The following ADAMTS18 variants were observed in gnomAD, a reference collection of about 807,000 sequenced individuals.
ADAMTS18 encodes the protein A disintegrin and metalloproteinase with thrombospondin motifs 18.
ADAMTS18 carries 157 observed loss-of-function variants against 165.9 expected under a neutral mutation model. That is an observed-to-expected ratio of 0.95 (90% CI 0.83 to 1.08). The LOEUF (loss-of-function observed/expected upper bound fraction) is 1.08, where lower values mean the gene tolerates loss of function less well. Ranked by LOEUF, ADAMTS18 falls within the 50% of genes least tolerant of loss-of-function variation. ADAMTS18 has a pLI of 0.00. For synonymous variants in ADAMTS18, 782 were observed against 578.2 expected, an observed-to-expected ratio of 1.35 and a Z score of -5.06; for missense variants, 2,040 against 1,534.0, an observed-to-expected ratio of 1.33 and a Z score of -5.51.
At chr16:77,312,749 A>G (rs933616145) in intron 16 of ADAMTS18, among the ~76,000 whole-genome samples, 1 of 152,210 alleles carries the variant, frequency 6.6e-6, no homozygotes, top group African/African-American at 2.4e-5. Flanking sequence ...ATAAGATACC[A>G]TCTCATACCA....
chr16:77,328,816 G>A (rs748285454), intron 12 of ADAMTS18, among the ~76,000 whole-genome samples: 11 of 152,198 alleles, frequency 7.2e-5, no homozygotes, highest in Non-Finnish European at 1.0e-4. Context: ...AACTTGTAAC[G>A]TGGAAAAGAC....
Position 77,434,736 on chromosome 16 carries a change from G to C in ADAMTS18, c.-41C>G. On this transcript the variant is annotated 5_prime_UTR_variant, in exon 1 of 23. Coordinates refer to ENST00000282849, the MANE Select transcript of ADAMTS18 (RefSeq NM_199355.4). ...CGGCGGCTGCGGGTGGCCAGACGCG[G>C]CAGGCGGAGCGCACGGGCGGCGCGC... 2.2e-6 allele frequency: 3 copies of C among 1,389,590 alleles called. No individual in the cohort carries two copies. Among genetic ancestry groups the C allele is most frequent in the Non-Finnish European group, 2.8e-6 (3 of 1,069,810 alleles). The allele number at this position is 1,389,590 out of a possible 1,614,324, so 86.1% of individuals were successfully genotyped here. A position where few individuals can be genotyped will look rare whatever the true frequency, so the allele number is the denominator to read the frequency against.
At chr16:77,352,930 A>G (rs2056576515) in intron 10 of ADAMTS18, among the ~76,000 whole-genome samples, 1 of 151,992 alleles carries the variant, frequency 6.6e-6, no homozygotes, top group Admixed American at 6.6e-5. Flanking sequence ...TCCCTTCTCT[A>G]CTGAAAAAAA....
intron 3 of ADAMTS18, among the ~76,000 whole-genome samples, chr16:77,384,917 T>C (rs963631192): frequency 1.3e-5 from 2 of 152,136 alleles, no homozygotes; most frequent in African/African-American, 4.8e-5. Flanking sequence ...AAGGTTTTTT[T>C]TTTTTTTTCT....
intron 3 of ADAMTS18, among the ~76,000 whole-genome samples, chr16:77,401,174 G>C (rs989491870): frequency 6.6e-6 from 1 of 152,044 alleles, no homozygotes; most frequent in Non-Finnish European, 1.5e-5. Context: ...AGAATTGCTT[G>C]AACCCAGGGA....
At chr16:77,315,590 A>G (rs941908282) in intron 16 of ADAMTS18, among the ~76,000 whole-genome samples, 1 of 152,106 alleles carries the variant, frequency 6.6e-6, no homozygotes, top group African/African-American at 2.4e-5. Context: ...ATCTGTGAAG[A>G]TCCTGTTTCC....
At chr16:77,316,531 T>C (rs1291561922) in intron 16 of ADAMTS18, among the ~76,000 whole-genome samples, 1 of 152,218 alleles carries the variant, frequency 6.6e-6, no homozygotes, top group Non-Finnish European at 1.5e-5. Flanking sequence ...TCCAAACTCC[T>C]TACCATGGTT....
At chr16:77,334,717 G>GTATATAGTATA (rs1484012953) in intron 12 of ADAMTS18, among the ~76,000 whole-genome samples, 13 of 91,362 alleles carry the variant, frequency 1.4e-4, no homozygotes, top group East Asian at 7.3e-4. Flanking sequence ...GTATACTATA[G>GTATATAGTATA]TATACTACTA....
At chr16:77,422,535 A>G (rs1210814259) in intron 3 of ADAMTS18, among the ~76,000 whole-genome samples, 1 of 133,750 alleles carries the variant, frequency 7.5e-6, no homozygotes, top group Non-Finnish European at 1.7e-5. Flanking sequence ...GGAAGAGAGG[A>G]GAGTGAAAAA....
chr16:77,345,750 A>G (rs1483576715), intron 10 of ADAMTS18, among the ~76,000 whole-genome samples: 2 of 152,214 alleles, frequency 1.3e-5, no homozygotes, highest in African/African-American at 4.8e-5. Flanking sequence ...ACCATATTGG[A>G]TAACAGAGAA....
chr16:77,400,504 C>A (rs1314049726), intron 3 of ADAMTS18, among the ~76,000 whole-genome samples: 1 of 134,158 alleles, frequency 7.5e-6, no homozygotes, highest in Non-Finnish European at 1.6e-5. Context: ...TTTTTTGAGA[C>A]GGAGTCTCGC....
chr16:77,285,860 G>C (rs565312259), intron 22 of ADAMTS18, among the ~76,000 whole-genome samples: 1 of 152,262 alleles, frequency 6.6e-6, no homozygotes, highest in African/African-American at 2.4e-5. Context: ...CACTGCTCTA[G>C]TGGAACCTCC....
intron 3 of ADAMTS18, among the ~76,000 whole-genome samples, chr16:77,392,822 T>A (rs1347147717): frequency 6.6e-6 from 1 of 152,228 alleles, no homozygotes; most frequent in Admixed American, 6.5e-5. Flanking sequence ...ACTACAGGAA[T>A]GTCTTTCATT....
intron 3 of ADAMTS18, among the ~76,000 whole-genome samples, chr16:77,408,122 T>A (rs1331844588): frequency 6.6e-6 from 1 of 152,118 alleles, no homozygotes; most frequent in Non-Finnish European, 1.5e-5. Context: ...TTGCTCAACT[T>A]CTTTAGTCAT....
rs1250206853 is a variant in ADAMTS18 at position 77,282,869 on chromosome 16, ATTTT to A, written c.*1083_*1086del. 3.8e-5 allele frequency: 5 copies of A among 131,850 alleles called. No homozygotes were observed. The highest frequency in any genetic ancestry group is 1.1e-4 in the African/African-American group (4 of 35,144). 8.2% of individuals were successfully genotyped at this position (131,850 alleles called of 1,614,324 possible). A position where few individuals can be genotyped will look rare whatever the true frequency, so the allele number is the denominator to read the frequency against. ...ATTAACATAGCAAGAAGACAGATGG[ATTTT>A]TTTATTACCACTGTTTACTCCTTTC... On this transcript the variant is annotated 3_prime_UTR_variant, in exon 23 of 23. Transcript: ENST00000282849.
At position 77,300,372 on chromosome 16, in the gene ADAMTS18, A is replaced by C; in HGVS notation, c.2565T>G (p.Ala855=). 6.2e-7 allele frequency: 1 copy of C among 1,614,126 alleles called. No homozygotes were observed. The highest frequency in any genetic ancestry group is 1.1e-5 in the South Asian group (1 of 91,082). The change falls in exon 17 of 23, where the codon GCT becomes GCG. Residue 855 remains alanine, a synonymous_variant. Transcript: ENST00000282849. Reference sequence around the variant, plus strand: ...TGACCTTGGGAAGTGCATACTTCCAAGCTATCCCTGGATTTTTGCCTTGCA... The same window carrying C: ...TGACCTTGGGAAGTGCATACTTCCACGCTATCCCTGGATTTTTGCCTTGCA... ...ILMQGKNPGI[A]WKYALPKVMN...
intron 10 of ADAMTS18, among the ~76,000 whole-genome samples, chr16:77,347,557 T>G (rs1340478534): frequency 4.6e-5 from 7 of 152,148 alleles, no homozygotes; most frequent in Non-Finnish European, 8.8e-5. Context: ...TGAGAGCAAT[T>G]GATATTGAGT....
intron 16 of ADAMTS18, among the ~76,000 whole-genome samples, chr16:77,305,992 G>A (rs1289432401): frequency 6.6e-6 from 1 of 152,160 alleles, no homozygotes; most frequent in Non-Finnish European, 1.5e-5. Flanking sequence ...AACATGCTCA[G>A]GGTACAGGAG....
intron 18 of ADAMTS18, among the ~76,000 whole-genome samples, chr16:77,295,629 G>C (rs1017369403): frequency 6.6e-6 from 1 of 152,206 alleles, no homozygotes; most frequent in Admixed American, 6.5e-5. Context: ...GAGAGAAAGA[G>C]AGGGAGGTTT....
Sources: allele counts gnomAD v4.1 joint callset (sites outside exome capture counted in the v4.1 genomes callset), GRCh38; gene constraint gnomAD v4.1.1; transcripts MANE v1.5; gene names NCBI Gene and HGNC (gene_info 2026-07-23, HGNC 2026-07-21).